The following FAM83B variants were observed in gnomAD, a reference collection of about 807,000 sequenced individuals.
FAM83B encodes the protein scaffolding CK1 anchoring protein B, also known as protein FAM83B.
Under a neutral mutation model 38.8 loss-of-function variants are expected in FAM83B, and 26 were observed. That is an observed-to-expected ratio of 0.67 (90% CI 0.49 to 0.93). The LOEUF (loss-of-function observed/expected upper bound fraction) is 0.93. FAM83B is among the 40% of genes least tolerant of loss of function. FAM83B has a pLI of 0.00. For missense variants in FAM83B, 1,237 were observed against 1,197.3 expected (o/e 1.03, Z -0.49); for synonymous variants, 419 against 423.1 (o/e 0.99, Z 0.12).
At chr6:54,937,557 C>T (rs181444848) in intron 4 of FAM83B, among the ~76,000 whole-genome samples, 65 of 152,132 alleles carry the variant, frequency 4.3e-4, no homozygotes, top group African/African-American at 1.4e-3. Context: ...GAGTAAACCA[C>T]AGAGATAACA....
intron 2 of FAM83B, among the ~76,000 whole-genome samples, chr6:54,889,009 T>A (rs192980783): frequency 3.1e-4 from 47 of 152,244 alleles, no homozygotes; most frequent in South Asian, 2.9e-3. Flanking sequence ...TATCTTTCAA[T>A]CACTAATCCT....
intron 1 of FAM83B, among the ~76,000 whole-genome samples, chr6:54,855,838 A>G (rs1368023756): frequency 1.3e-5 from 2 of 152,208 alleles, no homozygotes; most frequent in Non-Finnish European, 2.9e-5. Flanking sequence ...TGATAAAACC[A>G]TTAATTACTT....
intron 4 of FAM83B, among the ~76,000 whole-genome samples, chr6:54,936,322 TTTTA>T (rs1487754471): frequency 2.0e-5 from 3 of 152,098 alleles, no homozygotes; most frequent in Non-Finnish European, 4.4e-5. Flanking sequence ...TGGAAGTTGT[TTTTA>T]TTTAATAACG....
chr6:54,884,677 T>A (rs1486561958), intron 2 of FAM83B, among the ~76,000 whole-genome samples: 1 of 152,160 alleles, frequency 6.6e-6, no homozygotes, highest in African/African-American at 2.4e-5. Context: ...TTCTGGACTC[T>A]ATTCTAATTC....
At chr6:54,926,317 TA>T in intron 2 of FAM83B, 53 bp from the exon 3 acceptor site, 1 of 1,255,176 alleles carries the variant, frequency 8.0e-7, no homozygotes, top group South Asian at 1.8e-5. Context: ...AGCAATTTCT[TA>T]AATCTTTCTC....
At chr6:54,914,429 A>AT (rs995526824) in intron 2 of FAM83B, among the ~76,000 whole-genome samples, 3 of 151,964 alleles carry the variant, frequency 2.0e-5, no homozygotes, top group Non-Finnish European at 4.4e-5. Flanking sequence ...ATGAATTTGA[A>AT]TTTTTTTCTT....
intron 2 of FAM83B, among the ~76,000 whole-genome samples, chr6:54,872,028 GAC>G (rs1481074140): frequency 1.3e-5 from 2 of 152,102 alleles, no homozygotes; most frequent in Non-Finnish European, 2.9e-5. Flanking sequence ...AATGTAGAGA[GAC>G]ACAGTGTTCT....
intron 2 of FAM83B, among the ~76,000 whole-genome samples, chr6:54,924,437 C>G (rs1581924529): frequency 6.6e-6 from 1 of 150,958 alleles, no homozygotes; most frequent in Non-Finnish European, 1.5e-5. Flanking sequence ...TCTTCTATAT[C>G]TAGTATCTGC....
chr6:54,915,985 C>T (rs1773028434), intron 2 of FAM83B, among the ~76,000 whole-genome samples: 1 of 151,982 alleles, frequency 6.6e-6, no homozygotes, highest in Admixed American at 6.6e-5. Flanking sequence ...CATTCAACGA[C>T]TTCCCTCCAC....
At chr6:54,877,640 T>G (rs1463322912) in intron 2 of FAM83B, among the ~76,000 whole-genome samples, 1 of 152,216 alleles carries the variant, frequency 6.6e-6, no homozygotes, top group African/African-American at 2.4e-5. Flanking sequence ...TCAGGTAACA[T>G]GTATTGAGCA....
At position 54,902,917 on chromosome 6, in the gene FAM83B, T is replaced by G. The variant is rs182441394; in HGVS notation, c.445-23454T>G. Among the ~76,000 whole-genome samples the G allele has an allele frequency of 3.0e-3, 455 of 152,336 alleles. 1 individual carries two copies. Among genetic ancestry groups the G allele is most frequent in the African/African-American group, 0.01 (431 of 41,586 alleles). Reference sequence around the variant, plus strand: ...GTAATTGAACCCCCAAGGTGTAAGATGAGATTTATACACTTTATTTTCACA... The same window carrying G: ...GTAATTGAACCCCCAAGGTGTAAGAGGAGATTTATACACTTTATTTTCACA... On this transcript the variant is annotated intron_variant, in intron 2 of 4. Transcript: ENST00000306858.
intron 2 of FAM83B, among the ~76,000 whole-genome samples, chr6:54,878,995 A>G (rs772607412): frequency 5.9e-5 from 9 of 152,214 alleles, no homozygotes; most frequent in Non-Finnish European, 1.3e-4. Context: ...GACGACTTCA[A>G]CATTTTTTGC....
At position 54,870,222 on chromosome 6, in the gene FAM83B, G is replaced by A; in HGVS notation, c.-25G>A. On this transcript the variant is annotated 5_prime_UTR_variant, in exon 2 of 5. In the 5' UTR this introduces an upstream ATG that the reference lacks. Coordinates refer to ENST00000306858, the MANE Select transcript of FAM83B (RefSeq NM_001010872.3). ...CCACTGCATGAATGGACATTTGAAA[G>A]TGCCATAGCCAAACACTTGCAAGCA... 1.9e-6 allele frequency: 3 copies of A among 1,581,710 alleles called. No homozygotes were observed. The highest frequency in any genetic ancestry group is 2.6e-6 in the Non-Finnish European group (3 of 1,154,874).
intron 1 of FAM83B, among the ~76,000 whole-genome samples, chr6:54,857,972 A>G (rs1184137063): frequency 1.3e-5 from 2 of 152,206 alleles, no homozygotes; most frequent in South Asian, 2.1e-4. Context: ...TGTTAGGTGT[A>G]AAGAAAGAAA....
Position 54,940,587 on chromosome 6 carries a change from G to A in FAM83B, c.1616G>A (p.Arg539Gln), listed in dbSNP as rs746404182. 2.5e-6 allele frequency: 4 copies of A among 1,613,924 alleles called. No individual in the cohort carries two copies. Among genetic ancestry groups the A allele is most frequent in the Non-Finnish European group, 3.4e-6 (4 of 1,180,000 alleles). ...LKANALYTHS[R>Q]LRSSLVFKPT... is the part of the protein sequence containing the mutation. ...GCCAATGCCCTTTATACTCATTCTC[G>A]GCTTCGTTCCTCTTTAGTATTTAAA... Residue 539 changes from arginine to glutamine, a missense_variant, in exon 5 of 5, where the codon CGG becomes CAG. Coordinates refer to ENST00000306858, the MANE Select transcript of FAM83B (RefSeq NM_001010872.3).
intron 2 of FAM83B, among the ~76,000 whole-genome samples, chr6:54,891,155 T>C (rs968575232): frequency 1.4e-4 from 22 of 152,082 alleles, no homozygotes; most frequent in African/African-American, 4.1e-4. Context: ...TTGAAAGAAG[T>C]AGTTTCCATA....
chr6:54,872,378 T>C lies in FAM83B; in HGVS notation c.444+1688T>C, dbSNP rs1258202429. 3.9e-5 allele frequency among the ~76,000 whole-genome samples: 6 copies of C among 152,324 alleles called. No individual in the cohort carries two copies. In the East Asian group the frequency reaches 1.2e-3, roughly 29 times the overall value. On this transcript the variant is annotated intron_variant, in intron 2 of 4. Transcript: ENST00000306858. Reference sequence around the variant, plus strand: ...ATTTGAGGCTATATGTGAGTCTTTGTAATGGCAAAATAATAAATATCAAGT... The same window carrying C: ...ATTTGAGGCTATATGTGAGTCTTTGCAATGGCAAAATAATAAATATCAAGT...
intron 2 of FAM83B, among the ~76,000 whole-genome samples, chr6:54,873,588 A>C (rs1254917618): frequency 6.6e-6 from 1 of 151,952 alleles, no homozygotes; most frequent in Non-Finnish European, 1.5e-5. Flanking sequence ...TTCAGAGGGT[A>C]ATTTATCTTT....
intron 4 of FAM83B, among the ~76,000 whole-genome samples, chr6:54,936,103 G>A (rs1773518517): frequency 6.6e-6 from 1 of 152,094 alleles, no homozygotes; most frequent in Non-Finnish European, 1.5e-5. Context: ...AATCACCTAC[G>A]ATAATAGAGG....
Sources: allele counts gnomAD v4.1 joint callset (sites outside exome capture counted in the v4.1 genomes callset), GRCh38; gene constraint gnomAD v4.1.1; transcripts MANE v1.5; gene names NCBI Gene and HGNC (gene_info 2026-07-23, HGNC 2026-07-21).